Variants in SYNE1 observed in about 807,000 individuals in gnomAD.
SYNE1 encodes the protein spectrin repeat containing nuclear envelope protein 1.
SYNE1 carries 616 observed loss-of-function variants against 1,111.0 expected under a neutral mutation model. That is an observed-to-expected ratio of 0.55 (90% CI 0.52 to 0.59). The LOEUF is 0.59. Ranked by LOEUF, SYNE1 falls within the 20% of genes least tolerant of loss-of-function variation. The pLI is 0.00. For missense variants in SYNE1, 10,006 were observed against 10,417.0 expected (o/e 0.96, Z 1.72); for synonymous variants, 3,855 against 3,825.8 (o/e 1.01, Z -0.28).
At chr6:152,511,508 G>A in intron 6 of SYNE1, 1 of 1,472,132 alleles carries the variant, frequency 6.8e-7, no homozygotes, top group Non-Finnish European at 9.5e-7. Context: ...CAAATAGCAG[G>A]TAACTTATGT....
chr6:152,469,891 A>G (rs1032959388), intron 16 of SYNE1, among the ~76,000 whole-genome samples: 2 of 152,160 alleles, frequency 1.3e-5, no homozygotes, highest in African/African-American at 4.8e-5. Flanking sequence ...GCCATCACTG[A>G]GATGAAAAAT....
intron 39 of SYNE1, 68 bp from the exon 40 acceptor site, chr6:152,419,790 G>A (rs1287579362): frequency 1.9e-6 from 3 of 1,571,234 alleles, no homozygotes; most frequent in African/African-American, 2.7e-5. Context: ...GATGTATTTT[G>A]GGAATTAAGC....
At chr6:152,302,250 G>A in intron 91 of SYNE1, 187 bp from the exon 92 acceptor site, 3 of 774,738 alleles carry the variant, frequency 3.9e-6, no homozygotes, top group South Asian at 1.6e-5. Flanking sequence ...TGCGCGGCGC[G>A]GCGCAGGCAC....
intron 49 of SYNE1, among the ~76,000 whole-genome samples, chr6:152,397,368 C>A (rs1448897936): frequency 6.6e-6 from 1 of 152,138 alleles, no homozygotes; most frequent in South Asian, 2.1e-4. Flanking sequence ...AATCCTCAGG[C>A]CCTTTCTTTT....
chr6:152,319,735 T>G (rs2095825918), intron 84 of SYNE1, among the ~76,000 whole-genome samples: 2 of 152,054 alleles, frequency 1.3e-5, no homozygotes, highest in Admixed American at 1.3e-4. Flanking sequence ...TAAAAGAGAG[T>G]TAATGGTGTG....
intron 82 of SYNE1, among the ~76,000 whole-genome samples, chr6:152,322,642 T>C (rs1307951608): frequency 1.3e-5 from 2 of 152,192 alleles, no homozygotes; most frequent in Non-Finnish European, 2.9e-5. Flanking sequence ...AAGTTCTTAA[T>C]AGCTCTCAAT....
intron 101 of SYNE1, among the ~76,000 whole-genome samples, chr6:152,258,142 A>C (rs1409698559): frequency 6.6e-6 from 1 of 152,242 alleles, no homozygotes; most frequent in African/African-American, 2.4e-5. Flanking sequence ...TGAAGGGATA[A>C]AAGTATGACA....
At chr6:152,534,391 T>C (rs1035277327) in intron 4 of SYNE1, among the ~76,000 whole-genome samples, 2 of 152,108 alleles carry the variant, frequency 1.3e-5, no homozygotes, top group African/African-American at 4.8e-5. Flanking sequence ...CTTTATAACA[T>C]TTTAATTACA....
chr6:152,437,225 T>C (rs928227031), intron 32 of SYNE1, among the ~76,000 whole-genome samples: 1 of 152,214 alleles, frequency 6.6e-6, no homozygotes, highest in African/African-American at 2.4e-5. Context: ...TATAATCTAA[T>C]CTTAGTGCTG....
intron 114 of SYNE1, 21 bp downstream of exon 114, chr6:152,231,357 TGTAAATCTGGACA>T (rs1490819313): frequency 1.9e-6 from 3 of 1,613,324 alleles, no homozygotes; most frequent in Non-Finnish European, 2.5e-6. Flanking sequence ...GGGGTTTTCA[TGTAAATCTGGACA>T]GTGGGAAGCC....
chr6:152,324,229 T>C (rs959072305), intron 81 of SYNE1, among the ~76,000 whole-genome samples: 1 of 151,476 alleles, frequency 6.6e-6, no homozygotes, highest in Admixed American at 6.6e-5. Context: ...AGAAACCCCG[T>C]CTCTACTAAA....
At chr6:152,328,692 G>A (rs775396979) in intron 78 of SYNE1, among the ~76,000 whole-genome samples, 21 of 152,082 alleles carry the variant, frequency 1.4e-4, no homozygotes, top group Admixed American at 1.1e-3. Flanking sequence ...GATTAAAGGC[G>A]TGAGCCACCG....
intron 105 of SYNE1, among the ~76,000 whole-genome samples, chr6:152,248,610 T>G (rs1280537675): frequency 6.6e-6 from 1 of 152,164 alleles, no homozygotes; most frequent in Admixed American, 6.6e-5. Context: ...TCACTTTCAT[T>G]TATCTTAAAT....
chr6:152,403,145 A>G (rs1006043227), intron 46 of SYNE1, among the ~76,000 whole-genome samples: 1 of 152,176 alleles, frequency 6.6e-6, no homozygotes, highest in African/African-American at 2.4e-5. Flanking sequence ...CAGAAGCAGC[A>G]ACACATATGG....
chr6:152,136,837 A>G lies in SYNE1; in HGVS notation c.25459-19T>C, dbSNP rs1417012150. On this transcript the variant is annotated intron_variant, in intron 140 of 145. Transcript: ENST00000367255. ...GGAGCTCCTGAAAAGAACAAAAAAG[A>G]CAATCAAACAAGGACAATAATGACA... The G allele has an allele frequency of 1.2e-6, 2 of 1,611,538 alleles. No homozygotes were observed. The highest frequency in any genetic ancestry group is 1.7e-6 in the Non-Finnish European group (2 of 1,177,632).
At chr6:152,264,573 G>T (rs1433802252) in intron 100 of SYNE1, among the ~76,000 whole-genome samples, 2 of 152,048 alleles carry the variant, frequency 1.3e-5, no homozygotes, top group Non-Finnish European at 2.9e-5. Context: ...GAGGCAAGAG[G>T]ATCACTTGAG....
chr6:152,328,972 T>C (rs1290636269), intron 78 of SYNE1, among the ~76,000 whole-genome samples: 1 of 152,186 alleles, frequency 6.6e-6, no homozygotes, highest in East Asian at 1.9e-4. Context: ...CAGGGCTGCA[T>C]TGTCTGCCTC....
intron 124 of SYNE1, among the ~76,000 whole-genome samples, chr6:152,209,053 C>G (rs1354171775): frequency 2.0e-5 from 3 of 152,088 alleles, no homozygotes; most frequent in Non-Finnish European, 2.9e-5. Flanking sequence ...AAGAGTCTGT[C>G]CCGCATGAAA....
chr6:152,392,785 G>C (rs2097666326), intron 51 of SYNE1, among the ~76,000 whole-genome samples: 1 of 152,170 alleles, frequency 6.6e-6, no homozygotes, highest in South Asian at 2.1e-4. Flanking sequence ...GCAATGATTT[G>C]AGTTAAATAA....
Sources: gnomAD v4.1 joint callset for allele counts (sites outside exome capture counted in the v4.1 genomes callset) on GRCh38, gnomAD v4.1.1 for gene constraint, MANE v1.5 for transcripts, NCBI Gene and HGNC (gene_info 2026-07-23, HGNC 2026-07-21) for gene names.